RASA2: variants seen among roughly 807,000 people sequenced by gnomAD.
RASA2 encodes the protein RAS p21 protein activator 2, also known as ras GTPase-activating protein 2.
In RASA2, 155 loss-of-function variants were observed where a neutral mutation model predicts 118.2. The observed-to-expected ratio is 1.31, with a 90% CI of 1.15 to 1.50. RASA2 has a LOEUF of 1.50. Among genes scored for constraint, RASA2 ranks in the 40% most tolerant of loss-of-function variants. The pLI is 0.00. For synonymous variants in RASA2, 353 were observed against 349.1 expected, an observed-to-expected ratio of 1.01 and a Z score of -0.12; for missense variants, 1,016 against 1,009.6, an observed-to-expected ratio of 1.01 and a Z score of -0.09.
intron 21 of RASA2, 99 bp downstream of exon 21, chr3:141,608,796 C>A: frequency 7.8e-7 from 1 of 1,288,808 alleles, no homozygotes; most frequent in South Asian, 1.4e-5. Context: ...CATACTGATC[C>A]ATGCAACAAC....
intron 1 of RASA2, among the ~76,000 whole-genome samples, chr3:141,494,232 A>G (rs2081671819): frequency 6.6e-6 from 1 of 152,236 alleles, no homozygotes; most frequent in African/African-American, 2.4e-5. Flanking sequence ...GTGCATTTTT[A>G]TTTTGGAAAG....
chr3:141,589,239 T>C (rs2083251786), intron 19 of RASA2, among the ~76,000 whole-genome samples: 1 of 152,224 alleles, frequency 6.6e-6, no homozygotes, highest in South Asian at 2.1e-4. Context: ...CACTGGGTGC[T>C]AATTATGTTT....
At chr3:141,534,170 C>T (rs192679405) in intron 4 of RASA2, among the ~76,000 whole-genome samples, 2 of 152,272 alleles carry the variant, frequency 1.3e-5, no homozygotes, top group East Asian at 3.9e-4. Context: ...GGTCCTGTAA[C>T]TCACCAGGAA....
chr3:141,579,153 G>A (rs1439982505), intron 15 of RASA2, among the ~76,000 whole-genome samples: 1 of 152,100 alleles, frequency 6.6e-6, no homozygotes, highest in Non-Finnish European at 1.5e-5. Flanking sequence ...AGGAATGGGA[G>A]CCAAAAATCA....
intron 1 of RASA2, among the ~76,000 whole-genome samples, chr3:141,490,906 C>T (rs1000667631): frequency 6.6e-6 from 1 of 152,182 alleles, no homozygotes; most frequent in Non-Finnish European, 1.5e-5. Context: ...CTACTCTGCC[C>T]CTCCTCATCT....
intron 21 of RASA2, 119 bp downstream of exon 21, chr3:141,608,816 A>T: frequency 8.9e-7 from 1 of 1,119,360 alleles, no homozygotes; most frequent in Non-Finnish European, 1.3e-6. Context: ...CAAGGATGGG[A>T]CCTTGAAAAA....
chr3:141,571,477 T>A lies in RASA2; in HGVS notation c.1092T>A (p.Leu364=). ...ATAAAAATGATGCTGTTTTGCCCCTTGTACGACTGCTGCTGCACCATGATA... is the reference window on the plus strand; with the variant it reads ...ATAAAAATGATGCTGTTTTGCCCCTAGTACGACTGCTGCTGCACCATGATA... ...CRDKNDAVLP[L]VRLLLHHDKL... The change falls in exon 11 of 24, where the codon CTT becomes CTA. Residue 364 remains leucine (L), a synonymous_variant. Coordinates refer to ENST00000286364, the MANE Select transcript of RASA2 (RefSeq NM_006506.5). 6.2e-7 allele frequency: 1 copy of A among 1,613,634 alleles called. No individual in the cohort carries two copies. Among genetic ancestry groups the A allele is most frequent in the Non-Finnish European group, 8.5e-7 (1 of 1,179,650 alleles).
chr3:141,586,033 T>A lies in RASA2; in HGVS notation c.1761T>A (p.Asp587Glu). ...GYIIAVKKFL[D>E]EISSTETKES... The stretch of plus-strand genomic sequence containing the variant: ...CCCATTTCCCCATTTAGTTCTTGGA[T>A]GAAATTTCATCTACTGAAACTAAAG... The change falls in exon 18 of 24, where the codon GAT becomes GAA. Residue 587 changes from aspartate (D) to glutamate (E), a missense_variant. This residue lies in a region of RASA2 where 896 missense variants were observed against 836.4 expected (regional missense o/e 1.07). Transcript: ENST00000286364. The A allele has an allele frequency of 6.2e-7, 1 of 1,608,922 alleles. No individual in the cohort carries two copies. The highest frequency in any genetic ancestry group is 8.5e-7 in the Non-Finnish European group (1 of 1,175,602).
rs891283137 is a variant in RASA2, at chr3:141,586,259, T to C, written c.1826+161T>C. 3.3e-5 allele frequency among the ~76,000 whole-genome samples: 5 copies of C among 152,154 alleles called. 1 individual carries two copies. Among genetic ancestry groups the C allele is most frequent in the Admixed American group, 3.3e-4 (5 of 15,278 alleles). Reference sequence around the variant, plus strand: ...GTCGCCTTTACTGTCCTACAAACTTTATGGCAAAAAAGCATGATTTCCTGT... The same window carrying C: ...GTCGCCTTTACTGTCCTACAAACTTCATGGCAAAAAAGCATGATTTCCTGT... On this transcript the variant is annotated intron_variant, in intron 18 of 23. Coordinates refer to ENST00000286364, the MANE Select transcript of RASA2 (RefSeq NM_006506.5).
At chr3:141,528,715 C>T (rs1256365102) in intron 3 of RASA2, among the ~76,000 whole-genome samples, 3 of 151,850 alleles carry the variant, frequency 2.0e-5, no homozygotes, top group Non-Finnish European at 4.4e-5. Flanking sequence ...CCTTCCTTTT[C>T]ACTTGATATA....
rs140170951 is a variant in RASA2 at position 141,559,655 on chromosome 3, C to T, written c.762-239C>T. 1.1e-3 allele frequency among the ~76,000 whole-genome samples: 164 copies of T among 152,214 alleles called. 3 individuals are homozygous for T. In the East Asian group the frequency reaches 0.029, roughly 27 times the overall value. On this transcript the variant is annotated intron_variant, in intron 8 of 23. Coordinates refer to ENST00000286364, the MANE Select transcript of RASA2 (RefSeq NM_006506.5). ...TAAAGCCTCGACTTTCAAACTAAGACAGTTTAAGTGCCTTCTTTCAGACTA... is the reference window on the plus strand; with the variant it reads ...TAAAGCCTCGACTTTCAAACTAAGATAGTTTAAGTGCCTTCTTTCAGACTA...
At chr3:141,519,943 G>A (rs933653316) in intron 3 of RASA2, among the ~76,000 whole-genome samples, 5 of 151,276 alleles carry the variant, frequency 3.3e-5, no homozygotes, top group African/African-American at 1.2e-4. Flanking sequence ...CATTTTATTT[G>A]GTAGGGGAAT....
chr3:141,547,716 A>G (rs113618413), intron 5 of RASA2, among the ~76,000 whole-genome samples: 3,247 of 152,086 alleles, frequency 0.021, 56 homozygotes, highest in Middle Eastern at 0.044. Context: ...TGCTCTAGCT[A>G]GGACTTGAAT....
At chr3:141,580,085 AATATATATATAT>A (rs1207351331) in intron 15 of RASA2, among the ~76,000 whole-genome samples, 46 of 59,580 alleles carry the variant, frequency 7.7e-4, no homozygotes, top group African/African-American at 2.6e-3. Flanking sequence ...AAAAAAAAAA[AATATATATATAT>A]ATATATATAT....
At chr3:141,569,665 G>A (rs2082883342) in intron 9 of RASA2, among the ~76,000 whole-genome samples, 2 of 152,056 alleles carry the variant, frequency 1.3e-5, no homozygotes, top group Non-Finnish European at 2.9e-5. Flanking sequence ...AGATTCAGGG[G>A]TATAGGTACA....
intron 4 of RASA2, among the ~76,000 whole-genome samples, chr3:141,537,732 G>A (rs1252160282): frequency 6.6e-6 from 1 of 152,140 alleles, no homozygotes; most frequent in African/African-American, 2.4e-5. Flanking sequence ...TCACGCCACT[G>A]CACTCTGGCC....
chr3:141,533,272 T>C (rs1167974618), intron 4 of RASA2, among the ~76,000 whole-genome samples: 1 of 152,166 alleles, frequency 6.6e-6, no homozygotes, highest in African/African-American at 2.4e-5. Flanking sequence ...TGTAAGGCAG[T>C]CCACTTTAGG....
intron 4 of RASA2, among the ~76,000 whole-genome samples, chr3:141,532,847 A>G (rs747204858): frequency 2.6e-5 from 4 of 152,122 alleles, no homozygotes; most frequent in Non-Finnish European, 5.9e-5. Flanking sequence ...CATTTCTTAT[A>G]TTCCTATGTT....
At chr3:141,548,537 T>C (rs2082522210) in intron 5 of RASA2, among the ~76,000 whole-genome samples, 1 of 152,238 alleles carries the variant, frequency 6.6e-6, no homozygotes, top group South Asian at 2.1e-4. Flanking sequence ...GTGGTAGCTT[T>C]ATGGAATTTA....
Sources: gnomAD v4.1 joint callset for allele counts (sites outside exome capture counted in the v4.1 genomes callset) on GRCh38, gnomAD v4.1.1 for gene constraint, gnomAD v4.1.1 regional missense constraint, MANE v1.5 for transcripts, NCBI Gene and HGNC (gene_info 2026-07-23, HGNC 2026-07-21) for gene names.